Variants in KIF18A observed in about 807,000 individuals in gnomAD.
The protein encoded by KIF18A is kinesin-like protein KIF18A.
In KIF18A, 67 loss-of-function variants were observed where a neutral mutation model predicts 103.3. The observed-to-expected ratio is 0.65, with a 90% CI of 0.53 to 0.79. The LOEUF (loss-of-function observed/expected upper bound fraction) is 0.79. Among genes scored for constraint, KIF18A ranks in the 30% least tolerant of loss-of-function variants. KIF18A has a pLI of 0.00. For missense variants in KIF18A, 1,032 were observed against 1,062.5 expected, an observed-to-expected ratio of 0.97 and a Z score of 0.40; for synonymous variants, 367 against 355.5, an observed-to-expected ratio of 1.03 and a Z score of -0.36.
At chr11:28,100,561 A>AG (rs148793396) in intron 1 of KIF18A, among the ~76,000 whole-genome samples, 100,601 of 134,936 alleles carry the variant, frequency 0.75, 37,534 homozygotes, top group Non-Finnish European at 0.78. Flanking sequence ...GTGTGAGTGA[A>AG]GGGGGGGGGT....
intron 6 of KIF18A, among the ~76,000 whole-genome samples, chr11:28,087,065 T>TA (rs1851238167): frequency 6.6e-6 from 1 of 152,174 alleles, no homozygotes; most frequent in African/African-American, 2.4e-5. Flanking sequence ...CAAAGCTTTT[T>TA]TAAAAAAATT....
At chr11:28,096,382 G>A (rs1851373841) in intron 2 of KIF18A, among the ~76,000 whole-genome samples, 1 of 152,060 alleles carries the variant, frequency 6.6e-6, no homozygotes, top group Non-Finnish European at 1.5e-5. Context: ...AATTAAGATG[G>A]TGTATATTTT....
chr11:28,022,951 C>T (rs1480154381), intron 16 of KIF18A, among the ~76,000 whole-genome samples: 1 of 152,152 alleles, frequency 6.6e-6, no homozygotes, highest in Non-Finnish European at 1.5e-5. Flanking sequence ...TATCATGAGA[C>T]ACCTTTAAAT....
chr11:28,047,056 G>GAAA (rs60204007), intron 13 of KIF18A, among the ~76,000 whole-genome samples: 337 of 67,948 alleles, frequency 5.0e-3, no homozygotes, highest in Middle Eastern at 0.012. Context: ...CTTCGTCTCA[G>GAAA]AAAAAAAAAA....
intron 13 of KIF18A, among the ~76,000 whole-genome samples, chr11:28,057,771 A>T (rs1590683853): frequency 6.6e-6 from 1 of 152,282 alleles, no homozygotes; most frequent in South Asian, 2.1e-4. Flanking sequence ...TGTACTGTTC[A>T]CTAATAGAAA....
chr11:28,051,901 C>T (rs898498494), intron 13 of KIF18A, among the ~76,000 whole-genome samples: 1 of 152,074 alleles, frequency 6.6e-6, no homozygotes, highest in Non-Finnish European at 1.5e-5. Context: ...AACTGAACTC[C>T]TAATTTTCTA....
intron 1 of KIF18A, among the ~76,000 whole-genome samples, chr11:28,105,287 T>C (rs1435410059): frequency 6.6e-6 from 1 of 152,170 alleles, no homozygotes; most frequent in African/African-American, 2.4e-5. Context: ...CCATGGGATT[T>C]GAACTCAGAC....
chr11:28,094,726 A>G lies in KIF18A; in HGVS notation c.400T>C (p.Tyr134His), dbSNP rs1276489508. The change falls in exon 3 of 17, where the codon TAT (tyrosine) becomes CAT (histidine). Residue 134 changes from tyrosine (Y) to histidine (H), a missense_variant. Physicochemically the swap from Tyr to His is moderately conservative, Grantham distance 83 (BLOSUM62 2). Transcript: ENST00000263181. ...LGSADEPGVM[Y>H]LTMLHLYKCM... ...TTGTAAAGGTGTAACATTGTTAGAT[A>G]CATCACTCCAGGTTCATCAGCTGAT... The G allele has an allele frequency of 6.2e-7, 1 of 1,613,400 alleles. No individual in the cohort carries two copies. The highest frequency in any genetic ancestry group is 8.5e-7 in the Non-Finnish European group (1 of 1,179,358).
chr11:28,061,765 T>G (rs1281220779), intron 12 of KIF18A, among the ~76,000 whole-genome samples: 1 of 152,068 alleles, frequency 6.6e-6, no homozygotes, highest in East Asian at 1.9e-4. Context: ...AGAAAGCACT[T>G]AGAGAAATAA....
chr11:28,049,398 A>G (rs971919924), intron 13 of KIF18A, among the ~76,000 whole-genome samples: 15 of 152,012 alleles, frequency 9.9e-5, no homozygotes, highest in Admixed American at 2.6e-4. Context: ...TTGATGTGCC[A>G]TATCATGTGT....
At chr11:28,053,480 T>C (rs1850737577) in intron 13 of KIF18A, among the ~76,000 whole-genome samples, 1 of 152,040 alleles carries the variant, frequency 6.6e-6, no homozygotes, top group Non-Finnish European at 1.5e-5. Flanking sequence ...AAATGAATCC[T>C]AATCTTTTTT....
Position 28,097,936 on chromosome 11 carries a change from A to G in KIF18A, c.12T>C (p.Thr4=). The change falls in exon 2 of 17, where the codon ACT becomes ACC. Residue 4 remains threonine (T), a synonymous_variant. Transcript: ENST00000263181. ...TCATATGGTGGCACAGGTCTTCCTC[A>G]GTGACAGACATTGTTGATTATCTTG... The part of the protein sequence containing the change: MSV[T]EEDLCHHMKV... The G allele has an allele frequency of 6.4e-7, 1 of 1,567,950 alleles. No individual in the cohort carries two copies. The highest frequency in any genetic ancestry group is 8.6e-7 in the Non-Finnish European group (1 of 1,160,358).
chr11:28,062,243 A>G, intron 12 of KIF18A, 152 bp downstream of exon 12: 1 of 590,982 alleles, frequency 1.7e-6, no homozygotes, highest in South Asian at 4.3e-5. Context: ...TTGGAAGGAA[A>G]TAACTCTCTT....
intron 1 of KIF18A, among the ~76,000 whole-genome samples, chr11:28,102,394 C>T (rs968260535): frequency 6.6e-6 from 1 of 152,166 alleles, no homozygotes; most frequent in African/African-American, 2.4e-5. Context: ...GTTGTCCCGC[C>T]TTTCTGAACC....
intron 6 of KIF18A, 70 bp from the exon 7 acceptor site, chr11:28,084,878 C>A: frequency 8.2e-7 from 1 of 1,215,766 alleles, no homozygotes; most frequent in Non-Finnish European, 1.2e-6. Flanking sequence ...CACTTTAGCA[C>A]TTCACTGTGG....
intron 15 of KIF18A, among the ~76,000 whole-genome samples, chr11:28,026,877 T>C (rs916725362): frequency 6.6e-6 from 1 of 151,806 alleles, no homozygotes; most frequent in African/African-American, 2.4e-5. Context: ...ACTCATAAAG[T>C]GACAGACTTC....
chr11:28,074,493 G>T (rs1036135483), intron 10 of KIF18A, among the ~76,000 whole-genome samples: 3 of 151,956 alleles, frequency 2.0e-5, no homozygotes, highest in African/African-American at 7.2e-5. Flanking sequence ...AAATTGAAAA[G>T]AAAATTTCAT....
intron 13 of KIF18A, among the ~76,000 whole-genome samples, chr11:28,045,395 A>T (rs530642746): frequency 1.3e-5 from 2 of 152,052 alleles, no homozygotes; most frequent in East Asian, 3.9e-4. Flanking sequence ...AAAAGCAGAA[A>T]AAAAGGAAAA....
chr11:28,039,821 A>G (rs1057403186), intron 13 of KIF18A, among the ~76,000 whole-genome samples: 1 of 151,708 alleles, frequency 6.6e-6, no homozygotes, highest in East Asian at 1.9e-4. Context: ...TTTACATACA[A>G]TTGTTTTACT....
Sources: allele counts gnomAD v4.1 joint callset (sites outside exome capture counted in the v4.1 genomes callset), GRCh38; gene constraint gnomAD v4.1.1; transcripts MANE v1.5; gene names NCBI Gene and HGNC (gene_info 2026-07-23, HGNC 2026-07-21).